Variants in CHUK observed in about 807,000 individuals in gnomAD.
CHUK encodes component of inhibitor of nuclear factor kappa B kinase complex.
CHUK carries 35 observed loss-of-function variants against 104.8 expected under a neutral mutation model. The ratio of observed to expected loss-of-function variants is 0.33; its 90% confidence interval spans 0.26 to 0.44. The LOEUF is 0.44. Ranked by LOEUF, CHUK falls within the 20% of genes least tolerant of loss-of-function variation. CHUK has a pLI of 1.00. For missense variants in CHUK, 663 were observed against 902.7 expected (o/e 0.73, Z 3.40); for synonymous variants, 276 against 291.9 (o/e 0.95, Z 0.56).
chr10:100,201,630 G>C (rs892912244), intron 14 of CHUK, among the ~76,000 whole-genome samples: 1 of 152,184 alleles, frequency 6.6e-6, no homozygotes, highest in African/African-American at 2.4e-5. Context: ...TGAGGTGGGA[G>C]GATTGCTTAA....
In CHUK at chr10:100,193,314, C is replaced by A. The variant is rs761761194; in HGVS notation, c.2092G>T (p.Val698Leu). ...AEHDHSLSCV[V>L]TPQDGETSAQ... ...TAAACCCACCCATCTTGAGGAGTTA[C>A]CACACATGACAGAGAATGATCATGT... The change falls in exon 19 of 21, where the codon GTA (valine) becomes TTA (leucine). Residue 698 changes from valine to leucine, a missense_variant. Coordinates refer to ENST00000370397, the MANE Select transcript of CHUK (RefSeq NM_001278.5). The A allele has an allele frequency of 3.1e-6, 5 of 1,614,068 alleles. No homozygotes were observed. The highest frequency in any genetic ancestry group is 3.4e-6 in the Non-Finnish European group (4 of 1,179,964).
intron 16 of CHUK, chr10:100,195,520 A>G (rs1048150615): frequency 1.3e-5 from 2 of 152,284 alleles, no homozygotes; most frequent in African/African-American, 4.8e-5. Context: ...CAAGGCTCCA[A>G]AAAGGTTCTT....
chr10:100,199,967 T>C lies in CHUK; in HGVS notation c.1729+4A>G. 6.2e-7 allele frequency: 1 copy of C among 1,606,888 alleles called. No individual in the cohort carries two copies. The highest frequency in any genetic ancestry group is 8.5e-7 in the Non-Finnish European group (1 of 1,173,562). On this transcript the variant is annotated splice_donor_region_variant and intron_variant, in intron 16 of 20. Coordinates refer to ENST00000370397, the MANE Select transcript of CHUK (RefSeq NM_001278.5). ...CTTCAAGCACTGTGGTAGAAGTGTCTTACCTGAAGGTCTGTGTTTTAACTG... is the reference window on the plus strand; with the variant it reads ...CTTCAAGCACTGTGGTAGAAGTGTCCTACCTGAAGGTCTGTGTTTTAACTG...
At chr10:100,191,081 C>T in intron 19 of CHUK, 113 bp from the exon 20 acceptor site, 2 of 756,000 alleles carry the variant, frequency 2.6e-6, no homozygotes, top group Non-Finnish European at 2.4e-6. Flanking sequence ...TAACCCAGTA[C>T]CCCAGTGCAG....
intron 17 of CHUK, 92 bp from the exon 18 acceptor site, chr10:100,194,223 C>T: frequency 7.1e-7 from 1 of 1,407,862 alleles, no homozygotes; most frequent in South Asian, 1.2e-5. Flanking sequence ...GAACCACAAT[C>T]AGCATCAGAT....
rs1846004211 is a variant in CHUK at position 100,222,162 on chromosome 10, T to C, written c.335A>G (p.Asn112Ser). The C allele has an allele frequency of 6.2e-7, 1 of 1,600,580 alleles. No homozygotes were observed. Among genetic ancestry groups the C allele is most frequent in the East Asian group, 2.2e-5 (1 of 44,736 alleles). The part of the protein sequence containing the change: ...DLRKLLNKPE[N>S]CCGLKESQIL... Reference sequence around the variant, plus strand: ...CTGGCTTTCTTTAAGTCCACAACAATTTTCTGGTTTGTTGAGCAGCTAAAA... The same window carrying C: ...CTGGCTTTCTTTAAGTCCACAACAACTTTCTGGTTTGTTGAGCAGCTAAAA... Residue 112 changes from asparagine (N) to serine (S), a missense_variant, in exon 4 of 21, where the codon AAT becomes AGT. Physicochemically the swap from Asn to Ser is conservative, Grantham distance 46 (BLOSUM62 1). This residue lies in a region of CHUK where 200 missense variants were observed against 333.0 expected (regional missense o/e 0.60). Transcript: ENST00000370397.
At chr10:100,228,181 T>TA (rs1319930876) in intron 1 of CHUK, among the ~76,000 whole-genome samples, 1 of 152,228 alleles carries the variant, frequency 6.6e-6, no homozygotes, top group African/African-American at 2.4e-5. Context: ...ATACTATACT[T>TA]ACTTTACAGG....
chr10:100,217,113 A>C (rs913536738), intron 9 of CHUK, among the ~76,000 whole-genome samples: 3 of 152,172 alleles, frequency 2.0e-5, no homozygotes, highest in Non-Finnish European at 4.4e-5. Flanking sequence ...ACAAAGGTAG[A>C]TAACGGGTTT....
intron 3 of CHUK, among the ~76,000 whole-genome samples, 159 bp from the exon 4 acceptor site, chr10:100,222,340 G>A (rs928856161): frequency 1.3e-5 from 2 of 152,056 alleles, no homozygotes; most frequent in Non-Finnish European, 2.9e-5. Flanking sequence ...CTGAGGGCAT[G>A]TAAATTTCAT....
At chr10:100,223,355 G>A (rs959342476) in intron 2 of CHUK, among the ~76,000 whole-genome samples, 7 of 152,106 alleles carry the variant, frequency 4.6e-5, no homozygotes, top group African/African-American at 9.7e-5. Flanking sequence ...CAAATCTGGC[G>A]TTCTAGGCTG....
At chr10:100,186,325 A>G, downstream of CHUK, 1 of 332,106 alleles carries the variant, frequency 3.0e-6, no homozygotes, top group Non-Finnish European at 5.4e-6. Context: ...CTCAAACGGT[A>G]GCTGTTCGGT....
At position 100,188,532 on chromosome 10, in the gene CHUK, T is replaced by C. The variant is rs1589571962; in HGVS notation, c.*1066A>G. On this transcript the variant is annotated 3_prime_UTR_variant, in exon 21 of 21. Coordinates refer to ENST00000370397, the MANE Select transcript of CHUK (RefSeq NM_001278.5). Reference sequence around the variant, plus strand: ...CAAGTTGTTTCAGAATTATGAAATTTTAGATTTTAGAAAAGTAGTTTTGTG... The same window carrying C: ...CAAGTTGTTTCAGAATTATGAAATTCTAGATTTTAGAAAAGTAGTTTTGTG... The C allele has an allele frequency of 1.3e-5, 2 of 152,752 alleles. No individual in the cohort carries two copies. The highest frequency in any genetic ancestry group is 1.3e-4 in the Admixed American group (2 of 15,304). The allele number at this position is 152,752 out of a possible 1,614,324, so 9.5% of individuals were successfully genotyped here.
intron 1 of CHUK, among the ~76,000 whole-genome samples, chr10:100,229,186 C>A (rs1846177617): frequency 6.6e-6 from 1 of 152,110 alleles, no homozygotes; most frequent in Non-Finnish European, 1.5e-5. Context: ...CTGGTCACAG[C>A]CTGACAGTCA....
At chr10:100,196,773 T>A (rs1009944722) in intron 16 of CHUK, among the ~76,000 whole-genome samples, 14 of 152,148 alleles carry the variant, frequency 9.2e-5, no homozygotes, top group Non-Finnish European at 1.8e-4. Context: ...TAGCACTCTA[T>A]TCAAATCTAT....
chr10:100,203,274 T>G (rs1845512085), intron 13 of CHUK, among the ~76,000 whole-genome samples: 1 of 152,132 alleles, frequency 6.6e-6, no homozygotes, highest in Non-Finnish European at 1.5e-5. Flanking sequence ...ACTAAAGACT[T>G]AGGTGATCTT....
At chr10:100,224,729 G>A (rs12247710) in intron 2 of CHUK, among the ~76,000 whole-genome samples, 4,085 of 152,206 alleles carry the variant, frequency 0.027, 79 homozygotes, top group Middle Eastern at 0.054. Context: ...GAGCCACCAC[G>A]CCCGGCCCTA....
At chr10:100,213,223 G>A (rs576435992) in intron 9 of CHUK, among the ~76,000 whole-genome samples, 4 of 152,148 alleles carry the variant, frequency 2.6e-5, no homozygotes, top group African/African-American at 9.6e-5. Context: ...GCTCACACCT[G>A]TAATCCCAGC....
intron 13 of CHUK, among the ~76,000 whole-genome samples, chr10:100,202,627 TA>T (rs1413864460): frequency 1.3e-5 from 2 of 152,212 alleles, no homozygotes; most frequent in Non-Finnish European, 2.9e-5. Flanking sequence ...TGTGAGACAG[TA>T]AGTTTCCATT....
intron 19 of CHUK, 63 bp downstream of exon 19, chr10:100,193,235 C>G: frequency 1.3e-6 from 2 of 1,570,128 alleles, no homozygotes; most frequent in Non-Finnish European, 1.8e-6. Flanking sequence ...TTAACAACTA[C>G]TGCCTCATTC....
Sources: allele counts gnomAD v4.1 joint callset (sites outside exome capture counted in the v4.1 genomes callset), GRCh38; gene constraint gnomAD v4.1.1; regional missense constraint gnomAD v4.1.1; transcripts MANE v1.5; gene names NCBI Gene and HGNC (gene_info 2026-07-23, HGNC 2026-07-21).